The following NDP variants were observed in gnomAD, a reference collection of about 807,000 sequenced individuals.
The protein encoded by NDP is norrin.
Under a neutral mutation model 8.4 loss-of-function variants are expected in NDP, and 2 were observed. The ratio of observed to expected loss-of-function variants is 0.24; its 90% CI spans 0.10 to 0.75. The LOEUF (loss-of-function observed/expected upper bound fraction) is 0.75, where lower values mean the gene tolerates loss of function less well. NDP is among the 30% of genes least tolerant of loss of function. The pLI is 0.73. For synonymous variants in NDP, 55 were observed against 45.6 expected (o/e 1.21, Z -0.83); for missense variants, 81 against 110.1 (o/e 0.74, Z 1.18).
chrX:43,953,970 C>G (rs1484769695), intron 2 of NDP, among the ~76,000 whole-genome samples: 1 of 112,655 alleles, frequency 8.9e-6, no homozygotes, highest in African/African-American at 3.2e-5. Context: ...TTATGCAGAG[C>G]TGAATCTTCC....
At chrX:43,967,000 C>T (rs2035861545) in intron 1 of NDP, among the ~76,000 whole-genome samples, 1 of 111,523 alleles carries the variant, frequency 9.0e-6, no homozygotes, top group Non-Finnish European at 1.9e-5. Flanking sequence ...CCGTTGCAAT[C>T]CGGAATGCTC....
intron 1 of NDP, among the ~76,000 whole-genome samples, chrX:43,963,285 G>C (rs774576578): frequency 2.6e-4 from 29 of 111,546 alleles, no homozygotes; most frequent in Non-Finnish European, 5.3e-4. Flanking sequence ...TCCTATCCTC[G>C]ATCCCTCTTC....
intron 1 of NDP, among the ~76,000 whole-genome samples, chrX:43,964,047 C>T (rs1363717021): frequency 9.0e-6 from 1 of 111,646 alleles, no homozygotes; most frequent in Non-Finnish European, 1.9e-5. Context: ...GAGATAGGCA[C>T]ATTTCATGTG....
At chrX:43,951,600 T>G (rs762637650) in intron 2 of NDP, among the ~76,000 whole-genome samples, 6 of 111,866 alleles carry the variant, frequency 5.4e-5, no homozygotes, top group African/African-American at 1.9e-4. Context: ...AGCTATTATC[T>G]CTGACATCAT....
At chrX:43,973,151 AATGCTAGC>A (rs1445158644) in intron 1 of NDP, among the ~76,000 whole-genome samples, 145 bp downstream of exon 1, 1 of 112,811 alleles carries the variant, frequency 8.9e-6, no homozygotes, top group African/African-American at 3.2e-5. Context: ...TAAGAAACAC[AATGCTAGC>A]ATGCTACAGA....
intron 1 of NDP, 80 bp from the exon 2 acceptor site, chrX:43,958,932 A>T (rs1292101931): frequency 1.5e-5 from 5 of 322,685 alleles, no homozygotes; most frequent in Non-Finnish European, 2.8e-5. Context: ...ATTAAGTAGA[A>T]TTTTTCCATG....
intron 2 of NDP, among the ~76,000 whole-genome samples, chrX:43,950,470 A>G (rs1282476874): frequency 9.0e-6 from 1 of 110,517 alleles, no homozygotes; most frequent in Non-Finnish European, 1.9e-5. Flanking sequence ...AAAAAAAAAA[A>G]AAAAAAAAGA....
At chrX:43,955,594 A>C (rs1439051926) in intron 2 of NDP, among the ~76,000 whole-genome samples, 1 of 112,479 alleles carries the variant, frequency 8.9e-6, no homozygotes, top group Non-Finnish European at 1.9e-5. Flanking sequence ...AATTTTAGAG[A>C]AACTTAGTCT....
chrX:43,953,843 C>T (rs1292087446), intron 2 of NDP, among the ~76,000 whole-genome samples: 3 of 112,803 alleles, frequency 2.7e-5, no homozygotes, highest in African/African-American at 9.7e-5. Flanking sequence ...TATGCCAACT[C>T]ACAGACTTCC....
Position 43,949,556 on chromosome X carries a change from C to A in NDP, c.*243G>T, listed in dbSNP as rs2035748152. On this transcript the variant is annotated 3_prime_UTR_variant, in exon 3 of 3. Coordinates refer to ENST00000642620, the MANE Select transcript of NDP (RefSeq NM_000266.4). The stretch of plus-strand genomic sequence containing the variant: ...GCATTGAGAGCCAAGGGGGAAAATG[C>A]CTGAATCTGAAAATGAACCAAAAGA... 2.4e-6 allele frequency: 1 copy of A among 409,611 alleles called. No individual in the cohort carries two copies. The highest frequency in any genetic ancestry group is 4.1e-5 in the Admixed American group (1 of 24,193). The allele number at this position is 409,611 out of a possible 1,213,427, so 33.8% of individuals were successfully genotyped here.
In NDP at chrX:43,963,579, C is replaced by T. The variant is rs536924760; in HGVS notation, c.-207-4727G>A. 4.5e-5 allele frequency among the ~76,000 whole-genome samples: 5 copies of T among 112,011 alleles called. No individual in the cohort carries two copies. In the South Asian group the frequency reaches 1.9e-3, roughly 42 times the overall value. ...GCCTCTATCAAAGAAATTGCAAAAA[C>T]ATCAAAGATTTATAAGTGGAAGAAA... On this transcript the variant is annotated intron_variant, in intron 1 of 2. Coordinates refer to ENST00000642620, the MANE Select transcript of NDP (RefSeq NM_000266.4).
chrX:43,952,775 A>G (rs912226666), intron 2 of NDP, among the ~76,000 whole-genome samples: 2 of 112,200 alleles, frequency 1.8e-5, no homozygotes, highest in Non-Finnish European at 3.8e-5. Flanking sequence ...GAATGCACAG[A>G]CATGTACAAT....
At chrX:43,953,813 T>C (rs1179465557) in intron 2 of NDP, among the ~76,000 whole-genome samples, 1 of 112,906 alleles carries the variant, frequency 8.9e-6, no homozygotes, top group Non-Finnish European at 1.9e-5. Context: ...TGCCTCCTGA[T>C]ACCATGTTTT....
chrX:43,968,836 CT>C (rs2035873567), intron 1 of NDP, among the ~76,000 whole-genome samples: 1 of 112,108 alleles, frequency 8.9e-6, no homozygotes, highest in Admixed American at 9.4e-5. Context: ...CCCTTTCTTC[CT>C]TTCTTTTTTT....
chrX:43,967,119 C>T (rs1214218921), intron 1 of NDP, among the ~76,000 whole-genome samples: 3 of 111,276 alleles, frequency 2.7e-5, no homozygotes, highest in Admixed American at 9.6e-5. Flanking sequence ...TGGTTTTCTG[C>T]TTGTCTTGAT....
chrX:43,956,043 C>T lies in NDP; in HGVS notation c.174+2429G>A, dbSNP rs766394814. ...ATGCTGTAAGGCAGACATTGCCACTCCCTGGCTATATGATATCAAGCAATC... is the reference window on the plus strand; with the variant it reads ...ATGCTGTAAGGCAGACATTGCCACTTCCTGGCTATATGATATCAAGCAATC... On this transcript the variant is annotated intron_variant, in intron 2 of 2. Transcript: ENST00000642620. 4.5e-5 allele frequency among the ~76,000 whole-genome samples: 5 copies of T among 111,922 alleles called. No individual in the cohort carries two copies. The East Asian group carries it at 8.4e-4, about 19-fold the overall frequency.
At chrX:43,953,584 G>C (rs1262343419) in intron 2 of NDP, among the ~76,000 whole-genome samples, 1 of 112,461 alleles carries the variant, frequency 8.9e-6, no homozygotes, top group East Asian at 2.8e-4. Flanking sequence ...TCGCTAATAA[G>C]AACATTTATT....
intron 1 of NDP, among the ~76,000 whole-genome samples, chrX:43,969,074 C>T (rs1401116213): frequency 9.0e-6 from 1 of 111,633 alleles, no homozygotes; most frequent in Non-Finnish European, 1.9e-5. Flanking sequence ...CATTGAGGCT[C>T]TTAAATGGGA....
rs1399864144 is a variant in NDP, at chrX:43,958,823, C to A, written c.-178G>T. 2.1e-6 allele frequency: 1 copy of A among 471,339 alleles called. No individual in the cohort carries two copies. The highest frequency in any genetic ancestry group is 3.8e-6 in the Non-Finnish European group (1 of 266,234). 38.8% of individuals were successfully genotyped at this position (471,339 alleles called of 1,213,427 possible). A position where few individuals can be genotyped will look rare whatever the true frequency, so the allele number is the denominator to read the frequency against. ...AGTTTTGTCTTACTCTTTGCACTTG[C>A]AATCCATCATCACAGTATCTGCTGC... On this transcript the variant is annotated 5_prime_UTR_variant, in exon 2 of 3. Transcript: ENST00000642620.
Sources: gnomAD v4.1 joint callset for allele counts (sites outside exome capture counted in the v4.1 genomes callset) on GRCh38, gnomAD v4.1.1 for gene constraint, MANE v1.5 for transcripts, NCBI Gene and HGNC (gene_info 2026-07-23, HGNC 2026-07-21) for gene names.